The following PLAC1 variants were observed in gnomAD, a reference collection of about 807,000 sequenced individuals.
PLAC1 encodes the protein placenta associated 1, also known as placenta-specific protein 1.
For missense variants in PLAC1, 136 were observed against 163.2 expected (o/e 0.83, Z 0.91); for synonymous variants, 68 against 62.1 (o/e 1.09, Z -0.44).
rs550433734 is a variant in PLAC1 at position 134,708,908 on chromosome X, A to G, written n.174+24527T>C. On this transcript the variant is annotated intron_variant and non_coding_transcript_variant, in intron 2 of 2. Transcript: ENST00000466797. Reference sequence around the variant, plus strand: ...AATTATATACACACATATTGTATCAATGTCGAATTCTTAGTTTTGATACTG... The same window carrying G: ...AATTATATACACACATATTGTATCAGTGTCGAATTCTTAGTTTTGATACTG... 3.0e-4 allele frequency among the ~76,000 whole-genome samples: 34 copies of G among 111,609 alleles called. No individual in the cohort carries two copies. The South Asian group carries it at 0.013, about 42-fold the overall frequency.
intron 2 of PLAC1, among the ~76,000 whole-genome samples, chrX:134,702,149 G>A (rs1191079300): frequency 8.9e-6 from 1 of 112,413 alleles, no homozygotes; most frequent in African/African-American, 3.2e-5. Context: ...TGGTGGGAAT[G>A]CAAATTAGTT....
chrX:134,596,437 C>T (rs1426261086), intron 2 of PLAC1, among the ~76,000 whole-genome samples: 1 of 107,591 alleles, frequency 9.3e-6, no homozygotes, highest in Admixed American at 9.7e-5. Flanking sequence ...TGTCTTGATT[C>T]CCACTTCATT....
chrX:134,583,101 T>G (rs2077982412), intron 2 of PLAC1, among the ~76,000 whole-genome samples: 1 of 111,775 alleles, frequency 8.9e-6, no homozygotes, highest in Non-Finnish European at 1.9e-5. Flanking sequence ...CAGTAAGTGT[T>G]AGTTATTATT....
intron 1 of PLAC1, among the ~76,000 whole-genome samples, chrX:134,738,516 T>C (rs2078709378): frequency 8.9e-6 from 1 of 111,915 alleles, no homozygotes; most frequent in African/African-American, 3.2e-5. Flanking sequence ...ATCCCAGGTT[T>C]CCAGCCCCCC....
At chrX:134,719,216 T>C (rs2078651228) in intron 2 of PLAC1, among the ~76,000 whole-genome samples, 2 of 111,838 alleles carry the variant, frequency 1.8e-5, no homozygotes, top group Non-Finnish European at 3.8e-5. Flanking sequence ...CACTCTGAAA[T>C]TGTTGAAATG....
intron 1 of PLAC1, among the ~76,000 whole-genome samples, chrX:134,751,883 A>C (rs2078745737): frequency 8.9e-6 from 1 of 112,232 alleles, no homozygotes; most frequent in Non-Finnish European, 1.9e-5. Flanking sequence ...CACTTCCATG[A>C]CTAGCATTAC....
chrX:134,647,270 G>T (rs914013005), intron 1 of PLAC1, among the ~76,000 whole-genome samples: 1 of 111,775 alleles, frequency 8.9e-6, no homozygotes, highest in African/African-American at 3.3e-5. Flanking sequence ...GCCCCATCCC[G>T]TGGCCTTCTG....
chrX:134,604,472 C>T (rs2124390047), intron 1 of PLAC1: 1 of 111,981 alleles, frequency 8.9e-6, no homozygotes, highest in South Asian at 3.8e-4. Flanking sequence ...AGCCTTTCAT[C>T]TCTAGGGCCT....
intron 1 of PLAC1, among the ~76,000 whole-genome samples, chrX:134,616,270 C>T (rs1437971229): frequency 8.9e-6 from 1 of 111,822 alleles, no homozygotes; most frequent in East Asian, 2.8e-4. Context: ...GCATGAGCCA[C>T]TGGACCACCT....
intron 1 of PLAC1, among the ~76,000 whole-genome samples, chrX:134,746,181 T>C (rs1169972870): frequency 8.9e-6 from 1 of 112,361 alleles, no homozygotes; most frequent in Non-Finnish European, 1.9e-5. Flanking sequence ...CAAAGGCCTG[T>C]GGCCTGAGGT....
intron 1 of PLAC1, among the ~76,000 whole-genome samples, chrX:134,630,920 G>A (rs1390609027): frequency 5.4e-5 from 6 of 111,787 alleles, no homozygotes; most frequent in Non-Finnish European, 1.1e-4. Flanking sequence ...GAATCCTCAT[G>A]TCTATTACAG....
chrX:134,623,934 T>G (rs1271682694), intron 1 of PLAC1, among the ~76,000 whole-genome samples: 1 of 111,802 alleles, frequency 8.9e-6, no homozygotes, highest in African/African-American at 3.3e-5. Flanking sequence ...AAGAAAGAGT[T>G]GGAAAATAGC....
intron 2 of PLAC1, among the ~76,000 whole-genome samples, chrX:134,733,167 C>T (rs113102302): frequency 3.6e-5 from 4 of 110,988 alleles, no homozygotes; most frequent in African/African-American, 1.3e-4. Flanking sequence ...TTTCAGGGGG[C>T]TTCTCACCAT....
At chrX:134,764,088 T>C (rs912599613) in intron 1 of PLAC1, 1 of 112,002 alleles carries the variant, frequency 8.9e-6, no homozygotes, top group African/African-American at 3.2e-5. Flanking sequence ...ACTCAAGACG[T>C]ATTTAAATTA....
rs1488783147 is a variant in PLAC1, at chrX:134,597,224, A to G, written c.-59+4827T>C. Among the ~76,000 whole-genome samples the G allele has an allele frequency of 4.5e-5, 5 of 110,765 alleles. No individual in the cohort carries two copies. The East Asian group carries it at 1.4e-3, about 31-fold the overall frequency. On this transcript the variant is annotated intron_variant, in intron 2 of 2. Transcript: ENST00000359237. Reference sequence around the variant, plus strand: ...CTCTGCATAATTTCTGTTGTTATATACTCAAGTTCACCGATTTTTTTCCTT... The same window carrying G: ...CTCTGCATAATTTCTGTTGTTATATGCTCAAGTTCACCGATTTTTTTCCTT...
intron 1 of PLAC1, among the ~76,000 whole-genome samples, chrX:134,762,595 C>T (rs906010449): frequency 9.1e-6 from 1 of 109,943 alleles, no homozygotes; most frequent in East Asian, 2.8e-4. Flanking sequence ...TTTGGGAGGC[C>T]GAGGCGGGTG....
chrX:134,647,028 C>T (rs1018725389), intron 1 of PLAC1, among the ~76,000 whole-genome samples: 1 of 112,096 alleles, frequency 8.9e-6, no homozygotes, highest in Non-Finnish European at 1.9e-5. Flanking sequence ...GATAGTGAGC[C>T]ATGTCCTCAG....
intron 1 of PLAC1, among the ~76,000 whole-genome samples, chrX:134,638,599 G>C (rs182150736): frequency 1.8e-5 from 2 of 111,295 alleles, no homozygotes; most frequent in African/African-American, 6.5e-5. Context: ...CAGTAGCAGA[G>C]TTAGGTAAAG....
At chrX:134,708,925 T>C (rs913784507) in intron 2 of PLAC1, among the ~76,000 whole-genome samples, 14 of 111,847 alleles carry the variant, frequency 1.3e-4, no homozygotes, top group South Asian at 3.8e-4. Flanking sequence ...ATTCTTAGTT[T>C]TGATACTGTA....
Sources: gnomAD v4.1 joint callset for allele counts (sites outside exome capture counted in the v4.1 genomes callset) on GRCh38, gnomAD v4.1.1 for gene constraint, MANE v1.5 for transcripts, NCBI Gene and HGNC (gene_info 2026-07-23, HGNC 2026-07-21) for gene names.